Variants in SDK1 observed in about 807,000 individuals in gnomAD.
The protein encoded by SDK1 is sidekick cell adhesion molecule 1, also known as protein sidekick-1.
A neutral mutation model predicts 245.5 loss-of-function variants in SDK1; 157 were observed. That is an observed-to-expected ratio of 0.64 (90% CI 0.56 to 0.73). SDK1 has a LOEUF of 0.73. SDK1 is among the 30% of genes least tolerant of loss of function. The pLI is 0.00. For missense variants in SDK1, 3,583 were observed against 3,002.3 expected (o/e 1.19, Z -4.52); for synonymous variants, 1,647 against 1,278.5 (o/e 1.29, Z -6.15).
At chr7:4,027,698 G>T (rs560940832) in intron 17 of SDK1, among the ~76,000 whole-genome samples, 1 of 152,238 alleles carries the variant, frequency 6.6e-6, no homozygotes, top group South Asian at 2.1e-4. Context: ...TTTCTCAGGG[G>T]TGTTGCAAAT....
intron 1 of SDK1, among the ~76,000 whole-genome samples, chr7:3,543,753 A>C (rs562214585): frequency 2.0e-5 from 3 of 152,196 alleles, no homozygotes; most frequent in African/African-American, 7.2e-5. Flanking sequence ...TTTAAATTCT[A>C]TTGATGTTCG....
intron 38 of SDK1, among the ~76,000 whole-genome samples, chr7:4,210,921 G>C (rs1276233179): frequency 6.6e-6 from 1 of 152,194 alleles, no homozygotes; most frequent in South Asian, 2.1e-4. Flanking sequence ...AGTGACAAGG[G>C]CCCGGACACA....
At chr7:3,332,739 C>G (rs1231605509) in intron 1 of SDK1, among the ~76,000 whole-genome samples, 2 of 152,194 alleles carry the variant, frequency 1.3e-5, no homozygotes, top group Admixed American at 6.5e-5. Flanking sequence ...TTCTGACATT[C>G]AGCCAGTAAG....
intron 1 of SDK1, among the ~76,000 whole-genome samples, chr7:3,475,217 A>G (rs75980820): frequency 1.3e-5 from 2 of 152,128 alleles, no homozygotes; most frequent in East Asian, 3.9e-4. Flanking sequence ...CCTGCTCTTT[A>G]GTGTCACTTG....
At position 4,267,238 on chromosome 7, in the gene SDK1, C is replaced by T. The variant is rs1583212048; in HGVS notation, c.*1854C>T. 2.4e-6 allele frequency: 2 copies of T among 830,678 alleles called. No homozygotes were observed. Among genetic ancestry groups the T allele is most frequent in the Non-Finnish European group, 2.9e-6 (2 of 689,984 alleles). 51.5% of individuals were successfully genotyped at this position (830,678 alleles called of 1,614,324 possible). A position where few individuals can be genotyped will look rare whatever the true frequency, so the allele number is the denominator to read the frequency against. On this transcript the variant is annotated 3_prime_UTR_variant, in exon 45 of 45. Transcript: ENST00000404826. ...CTTTCCTTCCTTCCTCCCTTCCTCT[C>T]TTCTTTCCTCCCTCCCTCCCTCCTT... is the stretch of plus-strand genomic sequence containing the variant.
At chr7:3,359,883 G>T (rs1320359787) in intron 1 of SDK1, among the ~76,000 whole-genome samples, 1 of 152,166 alleles carries the variant, frequency 6.6e-6, no homozygotes, top group Non-Finnish European at 1.5e-5. Context: ...AAGTCTTAGG[G>T]CAAATGTAGA....
At chr7:4,051,560 A>G (rs1016349797) in intron 18 of SDK1, 78 bp from the exon 19 acceptor site, 133 of 1,269,366 alleles carry the variant, frequency 1.0e-4, no homozygotes, top group Non-Finnish European at 1.4e-4. Flanking sequence ...AAAAGACAAA[A>G]TAAAATTCTG....
At chr7:3,835,248 A>G (rs904666042) in intron 5 of SDK1, among the ~76,000 whole-genome samples, 12 of 152,194 alleles carry the variant, frequency 7.9e-5, no homozygotes, top group Admixed American at 7.2e-4. Flanking sequence ...AGGTGCCCGA[A>G]GATAGAAGGC....
At chr7:3,501,621 C>G (rs1782217142) in intron 1 of SDK1, among the ~76,000 whole-genome samples, 1 of 152,138 alleles carries the variant, frequency 6.6e-6, no homozygotes, top group Non-Finnish European at 1.5e-5. Context: ...ATTTGTTTTT[C>G]TTAATCCATT....
intron 17 of SDK1, among the ~76,000 whole-genome samples, chr7:4,045,201 T>C (rs201881586): frequency 6.6e-6 from 1 of 152,074 alleles, no homozygotes; most frequent in Non-Finnish European, 1.5e-5. Context: ...GTTTGCAGTT[T>C]GGGGTGATTA....
chr7:4,206,513 T>A (rs79696953), intron 36 of SDK1, among the ~76,000 whole-genome samples: 2,550 of 152,278 alleles, frequency 0.017, 55 homozygotes, highest in East Asian at 0.051. Context: ...CTGGGAACCC[T>A]GCTTTGAGAA....
intron 5 of SDK1, among the ~76,000 whole-genome samples, chr7:3,900,149 T>C (rs1488654755): frequency 6.6e-6 from 1 of 152,238 alleles, no homozygotes; most frequent in East Asian, 1.9e-4. Flanking sequence ...CTGAAGTTGG[T>C]GCTACTCCTT....
At chr7:3,827,034 T>C (rs2115067487) in intron 5 of SDK1, among the ~76,000 whole-genome samples, 1 of 152,280 alleles carries the variant, frequency 6.6e-6, no homozygotes, top group African/African-American at 2.4e-5. Context: ...CCCATCTCTT[T>C]CCATCCCAAG....
chr7:4,143,413 TG>T (rs1779715900), intron 28 of SDK1, among the ~76,000 whole-genome samples: 1 of 152,126 alleles, frequency 6.6e-6, no homozygotes, highest in African/African-American at 2.4e-5. Context: ...CAGGCATGGC[TG>T]TGCCAGCCAG....
At chr7:3,673,774 CAA>C (rs772170994) in intron 4 of SDK1, among the ~76,000 whole-genome samples, 26 of 152,070 alleles carry the variant, frequency 1.7e-4, no homozygotes, top group Non-Finnish European at 3.4e-4. Flanking sequence ...ATGTGGCAGG[CAA>C]AAGTTTGCAT....
chr7:3,452,819 C>T (rs1439394858), intron 1 of SDK1, among the ~76,000 whole-genome samples: 1 of 152,088 alleles, frequency 6.6e-6, no homozygotes, highest in African/African-American at 2.4e-5. Context: ...GATAAGAGTC[C>T]AATTCCTCTT....
chr7:3,709,708 T>C (rs991111480), intron 4 of SDK1, among the ~76,000 whole-genome samples: 3 of 152,154 alleles, frequency 2.0e-5, no homozygotes, highest in African/African-American at 7.2e-5. Context: ...AAAAAAGAAG[T>C]TTTCCTATTT....
chr7:4,127,535 T>C, intron 26 of SDK1, 39 bp downstream of exon 26: 1 of 1,472,942 alleles, frequency 6.8e-7, no homozygotes, highest in Non-Finnish European at 9.5e-7. Context: ...GCTTAAAGAG[T>C]GGGCTGGGGA....
chr7:3,971,434 T>G (rs1330997316), intron 11 of SDK1, 32 bp from the exon 12 acceptor site: 1 of 1,489,402 alleles, frequency 6.7e-7, no homozygotes, highest in South Asian at 1.2e-5. Flanking sequence ...AACTTGTCAT[T>G]TCGTCTGACT....
Sources: gnomAD v4.1 joint callset for allele counts (sites outside exome capture counted in the v4.1 genomes callset) on GRCh38, gnomAD v4.1.1 for gene constraint, MANE v1.5 for transcripts, NCBI Gene and HGNC (gene_info 2026-07-23, HGNC 2026-07-21) for gene names.